Variants in USP1 observed in about 807,000 individuals in gnomAD.
The protein encoded by USP1 is ubiquitin specific peptidase 1.
USP1 carries 18 observed loss-of-function variants against 72.2 expected under a neutral mutation model. The ratio of observed to expected loss-of-function variants is 0.25; its 90% CI spans 0.17 to 0.37. USP1 has a LOEUF of 0.37. USP1 is among the 10% of genes least tolerant of loss of function. USP1 has a pLI of 1.00. For missense variants in USP1, 759 were observed against 884.9 expected (o/e 0.86, Z 1.81); for synonymous variants, 354 against 303.7 (o/e 1.17, Z -1.72).
At position 62,444,742 on chromosome 1, in the gene USP1, C is replaced by G; in HGVS notation, c.562C>G (p.Leu188Val). The G allele has an allele frequency of 2.4e-5, 37 of 1,560,566 alleles. No individual in the cohort carries two copies. The highest frequency in any genetic ancestry group is 3.2e-5 in the Non-Finnish European group (37 of 1,161,190). The change falls in exon 6 of 9, where the codon CTC (leucine) becomes GTC (valine). Residue 188 changes from leucine to valine, a missense_variant. Leu to Val is a conservative substitution (Grantham distance 32, BLOSUM62 1). Transcript: ENST00000339950. ...PRRLLNTLRE[L>V]NPMYEGYLQH... is the part of the protein sequence containing the mutation. Reference sequence around the variant, plus strand: ...AATGGAAATTTTTATTTATAGGGAACTCAACCCTATGTATGAAGGATATCT... The same window carrying G: ...AATGGAAATTTTTATTTATAGGGAAGTCAACCCTATGTATGAAGGATATCT...
In USP1 at chr1:62,450,411, T is replaced by C. The variant is rs1201232115; in HGVS notation, c.1788T>C (p.Ala596=). The C allele has an allele frequency of 6.2e-7, 1 of 1,614,056 alleles. No homozygotes were observed. Among genetic ancestry groups the C allele is most frequent in the Non-Finnish European group, 8.5e-7 (1 of 1,180,034 alleles). ...CAATTAGTAGTGGGCATTACACTGC[T>C]TCTGTTAAAGTCACTGACCTTAACA... The part of the protein sequence containing the change: ...GITISSGHYT[A]SVKVTDLNSL... Residue 596 remains alanine (A), a synonymous_variant, in exon 9 of 9, where the codon GCT becomes GCC. Transcript: ENST00000339950.
At chr1:62,446,468 C>G (rs947669029) in intron 6 of USP1, among the ~76,000 whole-genome samples, 1 of 152,242 alleles carries the variant, frequency 6.6e-6, no homozygotes, top group South Asian at 2.1e-4. Context: ...CATATAACTA[C>G]TGAATACTGT....
chr1:62,448,013 CCT>C (rs2149207482), intron 7 of USP1, among the ~76,000 whole-genome samples: 1 of 152,270 alleles, frequency 6.6e-6, no homozygotes, highest in African/African-American at 2.4e-5. Flanking sequence ...GTCTCAATCT[CCT>C]GACCTCGTGA....
At position 62,445,162 on chromosome 1, in the gene USP1, C is replaced by T. The variant is rs2149206241; in HGVS notation, c.982C>T (p.Pro328Ser). The stretch of plus-strand genomic sequence containing the variant: ...CAAGTATATTTCTGAAAATGAGAGT[C>T]CAAGACCCTCACAAAAGAAATCAAG... ...IPKYISENES[P>S]RPSQKKSRVK... is the part of the protein sequence containing the mutation. The change falls in exon 6 of 9, where the codon CCA becomes TCA. Residue 328 changes from proline to serine, a missense_variant. Physicochemically the swap from Pro to Ser is moderately conservative, Grantham distance 74 (BLOSUM62 -1). Coordinates refer to ENST00000339950, the MANE Select transcript of USP1 (RefSeq NM_003368.5). 1 of 1,613,394 alleles carries T rather than the reference C, an allele frequency of 6.2e-7. No homozygotes were observed. Among genetic ancestry groups the T allele is most frequent in the Non-Finnish European group, 8.5e-7 (1 of 1,179,832 alleles).
chr1:62,441,469 T>C lies in USP1; in HGVS notation c.171-19T>C. 1 of 1,572,114 alleles carries C rather than the reference T, an allele frequency of 6.4e-7. No homozygotes were observed. The highest frequency in any genetic ancestry group is 2.3e-5 in the East Asian group (1 of 43,374). On this transcript the variant is annotated intron_variant, in intron 2 of 8. Transcript: ENST00000339950. The stretch of plus-strand genomic sequence containing the variant: ...TCTTTAAGATAACTACTTATCGTTC[T>C]CCCTTCTATATTTCATAGTGATCAA...
At position 62,443,390 on chromosome 1, in the gene USP1, G is replaced by A. The variant is rs1427025889; in HGVS notation, c.557+71G>A. 3.5e-6 allele frequency: 5 copies of A among 1,415,700 alleles called. No individual in the cohort carries two copies. In the East Asian group the frequency reaches 1.0e-4, roughly 29 times the overall value. The allele number at this position is 1,415,700 out of a possible 1,614,324, so 87.7% of individuals were successfully genotyped here. ...TTATATCCTTGGAGGAGAATGACAT[G>A]CGAAGAAACAGGAATAAAGGGCAAG... On this transcript the variant is annotated intron_variant, in intron 5 of 8. Transcript: ENST00000339950.
In USP1 at chr1:62,450,645, C is replaced by T. The variant is rs1273893114; in HGVS notation, c.2022C>T (p.Ser674=). Residue 674 remains serine, a synonymous_variant, in exon 9 of 9, where the codon AGC becomes AGT. Coordinates refer to ENST00000339950, the MANE Select transcript of USP1 (RefSeq NM_003368.5). ...TTGGACTTCTTGGAGGACAAAAGAG[C>T]AAAGCAGATTATGAGCTATACAACA... The part of the protein sequence containing the change: ...EAIGLLGGQK[S]KADYELYNKA... The T allele has an allele frequency of 2.5e-6, 4 of 1,613,874 alleles. No homozygotes were observed. Among genetic ancestry groups the T allele is most frequent in the Non-Finnish European group, 2.5e-6 (3 of 1,179,996 alleles).
In USP1 at chr1:62,437,190, G is replaced by A. The variant is rs1645094544; in HGVS notation, c.-280G>A. The A allele has an allele frequency of 2.5e-6, 1 of 398,826 alleles. No individual in the cohort carries two copies. The highest frequency in any genetic ancestry group is 4.4e-5 in the Admixed American group (1 of 22,740). The allele number at this position is 398,826 out of a possible 1,614,324, so 24.7% of individuals were successfully genotyped here. ...GGGCGCCGCTCCCGGGATGTAGTTG[G>A]TGTTGGTGCAAGACGGGAGCGAGCG... On this transcript the variant is annotated 5_prime_UTR_variant, in exon 1 of 9. It adds an upstream start codon to the 5' untranslated region. Coordinates refer to ENST00000339950, the MANE Select transcript of USP1 (RefSeq NM_003368.5).
intron 7 of USP1, 23 bp downstream of exon 7, chr1:62,447,534 G>GT (rs761207193): frequency 1.2e-4 from 190 of 1,600,478 alleles, no homozygotes; most frequent in Non-Finnish European, 1.6e-4. Context: ...GGAGTCTTGT[G>GT]TGGACCATGA....
chr1:62,445,056 A>G lies in USP1; in HGVS notation c.876A>G (p.Ser292=). 17 of 1,612,774 alleles carry G rather than the reference A, an allele frequency of 1.1e-5. No individual in the cohort carries two copies. The highest frequency in any genetic ancestry group is 1.4e-5 in the Non-Finnish European group (17 of 1,179,712). The part of the protein sequence containing the change: ...KKVKLSKEHQ[S]LEENQRQTRS... ...TTAAATTATCCAAGGAACACCAGTC[A>G]TTGGAAGAGAACCAGAGACAAACTA... The change falls in exon 6 of 9, where the codon TCA becomes TCG. Residue 292 remains serine, a synonymous_variant. Transcript: ENST00000339950.
chr1:62,448,966 T>G (rs1481068101), intron 8 of USP1, among the ~76,000 whole-genome samples: 1 of 152,212 alleles, frequency 6.6e-6, no homozygotes, highest in Non-Finnish European at 1.5e-5. Context: ...CACTGCAGTC[T>G]TGACCTCCCA....
rs771535086 is a variant in USP1, at chr1:62,445,278, A to C, written c.1098A>C (p.Gly366=). ...TGGGAAAAATAACAACAAACCAAGG[A>C]GTCAAAGGACAATCTAAAGAAAATG... The part of the protein sequence containing the change: ...CSLGKITTNQ[G]VKGQSKENEC... The change falls in exon 6 of 9, where the codon GGA becomes GGC. Residue 366 remains glycine, a synonymous_variant. Transcript: ENST00000339950. The C allele has an allele frequency of 2.5e-6, 4 of 1,613,572 alleles. No individual in the cohort carries two copies. In the East Asian group the frequency reaches 6.7e-5, roughly 27 times the overall value.
rs1471210227 is a variant in USP1 at position 62,443,287 on chromosome 1, C to T, written c.525C>T (p.Ala175=). Residue 175 remains alanine (A), a synonymous_variant, in exon 5 of 9, where the codon GCC becomes GCT. Coordinates refer to ENST00000339950, the MANE Select transcript of USP1 (RefSeq NM_003368.5). Reference sequence around the variant, plus strand: ...CAGAGAAATATACTGATGAACTTGCCACTCAGCCAAGGCGACTGCTTAACA... The same window carrying T: ...CAGAGAAATATACTGATGAACTTGCTACTCAGCCAAGGCGACTGCTTAACA... ...LNPEKYTDEL[A]TQPRRLLNTL... 6.2e-7 allele frequency: 1 copy of T among 1,613,102 alleles called. No homozygotes were observed. Among genetic ancestry groups the T allele is most frequent in the African/African-American group, 1.3e-5 (1 of 74,800 alleles).
Position 62,451,407 on chromosome 1 carries a change from A to G in USP1, c.*426A>G, listed in dbSNP as rs1197074410. On this transcript the variant is annotated 3_prime_UTR_variant, in exon 9 of 9. Coordinates refer to ENST00000339950, the MANE Select transcript of USP1 (RefSeq NM_003368.5). Reference sequence around the variant, plus strand: ...AATCTCATTCAGTACATTTAGTTTTATAAGAGTCATGAAGCTAAATCCTTG... The same window carrying G: ...AATCTCATTCAGTACATTTAGTTTTGTAAGAGTCATGAAGCTAAATCCTTG... The G allele has an allele frequency of 1.3e-5, 2 of 155,364 alleles. No individual in the cohort carries two copies. Among genetic ancestry groups the G allele is most frequent in the East Asian group, 1.9e-4 (1 of 5,234 alleles). The allele number at this position is 155,364 out of a possible 1,614,324, so 9.6% of individuals were successfully genotyped here.
In USP1 at chr1:62,451,575, G is replaced by A. The variant is rs1049209887; in HGVS notation, c.*594G>A. ...GAATTTTATATGTATTTATGAAGAT[G>A]ATTCTGTACCCTAGTATATCTTTTT... On this transcript the variant is annotated 3_prime_UTR_variant, in exon 9 of 9. Transcript: ENST00000339950. 6.5e-6 allele frequency: 1 copy of A among 152,716 alleles called. No homozygotes were observed. Among genetic ancestry groups the A allele is most frequent in the African/African-American group, 2.4e-5 (1 of 41,436 alleles). 9.5% of individuals were successfully genotyped at this position (152,716 alleles called of 1,614,324 possible). A position where few individuals can be genotyped will look rare whatever the true frequency, so the allele number is the denominator to read the frequency against.
At position 62,440,024 on chromosome 1, in the gene USP1, A is replaced by G. The variant is rs766981298; in HGVS notation, c.157A>G (p.Arg53Gly). 1.4e-5 allele frequency: 22 copies of G among 1,529,062 alleles called. 2 individuals are homozygous for G. In the Admixed American group the frequency reaches 5.2e-4, roughly 36 times the overall value. The allele number at this position is 1,529,062 out of a possible 1,614,324, so 94.7% of individuals were successfully genotyped here. ...AAATGAAGAAAAAGCTTCTGAATAT[A>G]GAGCATCTGAAATGTATGTATCTTA... ...QENEEKASEY[R>G]ASEIDQVVPA... Residue 53 changes from arginine (R) to glycine (G), a missense_variant, in exon 2 of 9, where the codon AGA (arginine) becomes GGA (glycine). Physicochemically the swap from Arg to Gly is moderately radical, Grantham distance 125. This residue lies in a region of USP1 where 86 missense variants were observed against 82.0 expected (regional missense o/e 1.05). Coordinates refer to ENST00000339950, the MANE Select transcript of USP1 (RefSeq NM_003368.5).
At position 62,444,764 on chromosome 1, in the gene USP1, A is replaced by G. The variant is rs372070933; in HGVS notation, c.584A>G (p.Tyr195Cys). ...LRELNPMYEG[Y>C]LQHDAQEVLQ... ...GAACTCAACCCTATGTATGAAGGAT[A>G]TCTACAGCATGATGCACAGGAAGTA... The change falls in exon 6 of 9, where the codon TAT becomes TGT. Residue 195 changes from tyrosine to cysteine, a missense_variant. Tyr to Cys is a radical substitution (Grantham distance 194, BLOSUM62 -2). Transcript: ENST00000339950. The G allele has an allele frequency of 8.0e-5, 128 of 1,596,920 alleles. No homozygotes were observed. Among genetic ancestry groups the G allele is most frequent in the Non-Finnish European group, 1.1e-4 (125 of 1,175,186 alleles).
intron 3 of USP1, 108 bp downstream of exon 3, chr1:62,441,716 C>A: frequency 7.8e-7 from 1 of 1,284,902 alleles, no homozygotes; most frequent in African/African-American, 1.5e-5. Flanking sequence ...CTGTCTTTGC[C>A]TTTGATTGTT....
At chr1:62,443,927 A>C (rs1473173595) in intron 5 of USP1, among the ~76,000 whole-genome samples, 1 of 152,156 alleles carries the variant, frequency 6.6e-6, no homozygotes, top group East Asian at 1.9e-4. Context: ...CATTTAGTTT[A>C]AAAATAGAAC....
Sources: gnomAD v4.1 joint callset for allele counts (sites outside exome capture counted in the v4.1 genomes callset) on GRCh38, gnomAD v4.1.1 for gene constraint, gnomAD v4.1.1 regional missense constraint, MANE v1.5 for transcripts, NCBI Gene and HGNC (gene_info 2026-07-23, HGNC 2026-07-21) for gene names.